Variants in MAP2K2 observed in about 807,000 individuals in gnomAD.
MAP2K2 encodes the protein dual specificity mitogen-activated protein kinase kinase 2.
Under a neutral mutation model 43.7 loss-of-function variants are expected in MAP2K2, and 24 were observed. The ratio of observed to expected loss-of-function variants is 0.55; its 90% CI spans 0.40 to 0.77. The LOEUF (loss-of-function observed/expected upper bound fraction) is 0.77, where lower values mean the gene tolerates loss of function less well. Ranked by LOEUF, MAP2K2 falls within the 30% of genes least tolerant of loss-of-function variation. MAP2K2 has a pLI of 0.00. For missense variants in MAP2K2, 470 were observed against 566.8 expected (o/e 0.83, Z 1.73); for synonymous variants, 244 against 239.7 (o/e 1.02, Z -0.17).
At chr19:4,117,893 T>C (rs1015938458) in intron 1 of MAP2K2, among the ~76,000 whole-genome samples, 1 of 152,104 alleles carries the variant, frequency 6.6e-6, no homozygotes, top group East Asian at 1.9e-4. Context: ...ACCTCAAGGA[T>C]AAGCTGCAGC....
At chr19:4,096,803 G>A (rs1257503776) in intron 8 of MAP2K2, among the ~76,000 whole-genome samples, 1 of 152,156 alleles carries the variant, frequency 6.6e-6, no homozygotes, top group Non-Finnish European at 1.5e-5. Flanking sequence ...AGGGCTGCTG[G>A]CACACACCTC....
At chr19:4,092,818 T>C (rs536748708) in intron 10 of MAP2K2, among the ~76,000 whole-genome samples, 1 of 152,190 alleles carries the variant, frequency 6.6e-6, no homozygotes, top group East Asian at 1.9e-4. Flanking sequence ...ACACCTGTAA[T>C]CCCAGCCCTC....
chr19:4,112,555 T>C lies in MAP2K2; in HGVS notation c.304-1900A>G, dbSNP rs766942780. 4.4e-4 allele frequency among the ~76,000 whole-genome samples: 67 copies of C among 152,238 alleles called. 1 individual carries two copies. The highest frequency in any genetic ancestry group is 6.8e-3 in the Middle Eastern group (2 of 294). On this transcript the variant is annotated intron_variant, in intron 2 of 10. Transcript: ENST00000262948. ...TGGCCCCTGCTCTAGGCCTGTGACC[T>C]TGAGAAGCATGGCAGGGCCCGGGGC...
chr19:4,099,918 G>A (rs2040976863), intron 6 of MAP2K2: 2 of 190,394 alleles, frequency 1.1e-5, no homozygotes, highest in Admixed American at 1.2e-4. Context: ...TAGCCAATAT[G>A]GCGAGACCCC....
In MAP2K2 at chr19:4,115,419, G is replaced by A. The variant is rs1276629871; in HGVS notation, c.303+2000C>T. Among the ~76,000 whole-genome samples, 2 of 152,192 alleles carry A rather than the reference G, an allele frequency of 1.3e-5. No homozygotes were observed. The highest frequency in any genetic ancestry group is 2.9e-5 in the Non-Finnish European group (2 of 68,028). On this transcript the variant is annotated intron_variant, in intron 2 of 10. Coordinates refer to ENST00000262948, the MANE Select transcript of MAP2K2 (RefSeq NM_030662.4). This position sits in a 1 kb window ranked among gnomAD's most constrained non-coding sequence, Gnocchi z 4.1. Reference sequence around the variant, plus strand: ...CCCAGCCCATCAGGGACCACTGGAGGCTCCCCCAGAAGCCTGAGGGTCCCT... The same window carrying A: ...CCCAGCCCATCAGGGACCACTGGAGACTCCCCCAGAAGCCTGAGGGTCCCT...
intron 2 of MAP2K2, among the ~76,000 whole-genome samples, chr19:4,112,674 C>CTG (rs2041169234): frequency 2.0e-5 from 3 of 151,980 alleles, no homozygotes; most frequent in African/African-American, 7.3e-5. Context: ...GCCTGCCCGC[C>CTG]CCTGCCTGCC....
At chr19:4,122,561 C>G (rs572752342) in intron 1 of MAP2K2, among the ~76,000 whole-genome samples, 1 of 142,722 alleles carries the variant, frequency 7.0e-6, no homozygotes, top group African/African-American at 2.6e-5. Flanking sequence ...ACCGACACAT[C>G]CTCTCCTCCC....
At chr19:4,098,463 G>A (rs2040952645) in intron 7 of MAP2K2, among the ~76,000 whole-genome samples, 1 of 152,106 alleles carries the variant, frequency 6.6e-6, no homozygotes, top group African/African-American at 2.4e-5. Context: ...TCCGCTACAG[G>A]GTCCTTTGGG....
chr19:4,098,799 T>C (rs368463821), intron 7 of MAP2K2, among the ~76,000 whole-genome samples: 85 of 152,384 alleles, frequency 5.6e-4, no homozygotes, highest in Middle Eastern at 3.4e-3. Context: ...CAGGACTCCC[T>C]GGAAGGCTTG....
rs2040932648 is a variant in MAP2K2, at chr19:4,097,281, C to T, written c.982G>A (p.Glu328Lys). The T allele has an allele frequency of 1.9e-6, 3 of 1,610,694 alleles. No homozygotes were observed. Among genetic ancestry groups the T allele is most frequent in the African/African-American group, 2.7e-5 (2 of 74,626 alleles). The part of the protein sequence containing the change: ...IFELLDYIVN[E>K]PPPKLPNGVF... ...GCCAAAAGGCATCAAGCACAAACCT[C>T]GTTCACAATATAGTCCAGGAGTTCA... is the stretch of plus-strand genomic sequence containing the variant. The change falls in exon 8 of 11, where the codon GAG (glutamate) becomes AAG (lysine). Residue 328 changes from glutamate (E) to lysine (K), a missense_variant and splice_region_variant. This residue lies in a region of MAP2K2 where 212 missense variants were observed against 220.8 expected (regional missense o/e 0.96). Coordinates refer to ENST00000262948, the MANE Select transcript of MAP2K2 (RefSeq NM_030662.4).
At chr19:4,120,837 A>C (rs1382267644) in intron 1 of MAP2K2, among the ~76,000 whole-genome samples, 1 of 152,144 alleles carries the variant, frequency 6.6e-6, no homozygotes, top group Non-Finnish European at 1.5e-5. Context: ...ACGGAAGAGA[A>C]ATGTGAAGGG....
Position 4,097,339 on chromosome 19 carries a change from G to A in MAP2K2, c.924C>T (p.His308=), listed in dbSNP as rs768099163. The A allele has an allele frequency of 8.7e-6, 14 of 1,611,858 alleles. No homozygotes were observed. Among genetic ancestry groups the A allele is most frequent in the Middle Eastern group, 1.6e-4 (1 of 6,080 alleles). Residue 308 remains histidine, a synonymous_variant, in exon 8 of 11, where the codon CAC becomes CAT. Transcript: ENST00000262948. ...CCATGGCAGGCCGGCTATCCATCCC[G>A]TGACCTGCACAGGGAGAGAGATGGA... ...PRPPGRPVSG[H]GMDSRPAMAI...
chr19:4,109,868 T>C (rs1232899811), intron 3 of MAP2K2, among the ~76,000 whole-genome samples: 1 of 152,050 alleles, frequency 6.6e-6, no homozygotes, highest in Non-Finnish European at 1.5e-5. Flanking sequence ...GTCAGTGCCA[T>C]GTTATTTGAG....
intron 7 of MAP2K2, among the ~76,000 whole-genome samples, chr19:4,098,136 G>T (rs2145047828): frequency 6.6e-6 from 1 of 152,122 alleles, no homozygotes; most frequent in African/African-American, 2.4e-5. Flanking sequence ...CCCAGGCTCT[G>T]ACACGCACCA....
chr19:4,105,588 A>T (rs2041076274), intron 3 of MAP2K2, among the ~76,000 whole-genome samples: 1 of 151,918 alleles, frequency 6.6e-6, no homozygotes, highest in South Asian at 2.1e-4. Context: ...TTTTTCTTAT[A>T]AAAAATTCAA....
chr19:4,109,122 AG>A (rs1342254251), intron 3 of MAP2K2, among the ~76,000 whole-genome samples: 16 of 152,316 alleles, frequency 1.1e-4, no homozygotes, highest in African/African-American at 3.8e-4. Context: ...GTGTCACCCA[AG>A]CATTCTGGTT....
At chr19:4,100,527 C>A (rs960007271) in intron 6 of MAP2K2, 1 of 162,356 alleles carries the variant, frequency 6.2e-6, no homozygotes, top group Non-Finnish European at 1.3e-5. Flanking sequence ...GGAGATCTGG[C>A]CGGGCGTGGT....
At chr19:4,123,577 G>GGGTCCCCTGCCCCGTCCTCCCCCGAA in intron 1 of MAP2K2, among the ~76,000 whole-genome samples, 1 of 64,262 alleles carries the variant, frequency 1.6e-5, no homozygotes, top group Non-Finnish European at 3.1e-5. Context: ...CCTCCCCCGA[G>GGGTCCCCTGCCCCGTCCTCCCCCGAA]GGCCCCCTGC....
At chr19:4,111,678 T>C (rs2041154805) in intron 2 of MAP2K2, among the ~76,000 whole-genome samples, 1 of 152,172 alleles carries the variant, frequency 6.6e-6, no homozygotes, top group Non-Finnish European at 1.5e-5. Flanking sequence ...AAAGGAGGCC[T>C]GGTGTGTGGC....
Sources: gnomAD v4.1 joint callset for allele counts (sites outside exome capture counted in the v4.1 genomes callset) on GRCh38, gnomAD v4.1.1 for gene constraint, gnomAD v4.1.1 regional missense constraint, Gnocchi (gnomAD v3.1) non-coding constraint, MANE v1.5 for transcripts, NCBI Gene and HGNC (gene_info 2026-07-23, HGNC 2026-07-21) for gene names.